The following KIF26A variants were observed in gnomAD, a reference collection of about 807,000 sequenced individuals.
KIF26A encodes the protein kinesin-like protein KIF26A.
In KIF26A, 74 loss-of-function variants were observed where a neutral mutation model predicts 126.0. The observed-to-expected ratio is 0.59, with a 90% CI of 0.49 to 0.71. The LOEUF is 0.71. KIF26A is among the 30% of genes least tolerant of loss of function. The probability of loss-of-function intolerance (pLI) is 0.00; values close to 1 mark genes in which losing one functional copy is unlikely to be tolerated. For synonymous variants in KIF26A, 1,445 were observed against 1,232.7 expected, an observed-to-expected ratio of 1.17 and a Z score of -3.61; for missense variants, 2,984 against 2,763.3, an observed-to-expected ratio of 1.08 and a Z score of -1.79.
At position 104,173,161 on chromosome 14, in the gene KIF26A, C is replaced by T. The variant is rs749614285; in HGVS notation, c.1605C>T (p.Ala535=). Residue 535 remains alanine (A), a synonymous_variant, in exon 8 of 15, where the codon GCC becomes GCT. Transcript: ENST00000423312. ...ACCAGAGCCTGCGGGACCTGCTGGC[C>T]GAGGTGGCCCCTGGCAGCCTCCAGG... The part of the protein sequence containing the change: ...GRDQSLRDLL[A]EVAPGSLQDT... 9.9e-6 allele frequency: 16 copies of T among 1,611,218 alleles called. No homozygotes were observed. In the Admixed American group the frequency reaches 1.5e-4, roughly 15 times the overall value.
At position 104,176,958 on chromosome 14, in the gene KIF26A, C is replaced by G. The variant is rs562461621; in HGVS notation, c.4170C>G (p.Val1390=). Reference sequence around the variant, plus strand: ...CGCATGCTGTGAACCCGGCGCGGGTCGGGGCTGCTGCTGTCCTTCGAGGGG... The same window carrying G: ...CGCATGCTGTGAACCCGGCGCGGGTGGGGGCTGCTGCTGTCCTTCGAGGGG... The part of the protein sequence containing the change: ...APPHAVNPAR[V]GAAAVLRGEE... The change falls in exon 12 of 15, where the codon GTC becomes GTG. Residue 1390 remains valine, a synonymous_variant. Transcript: ENST00000423312. 1 of 1,534,862 alleles carries G rather than the reference C, an allele frequency of 6.5e-7. No individual in the cohort carries two copies. Among genetic ancestry groups the G allele is most frequent in the Admixed American group, 2.0e-5 (1 of 50,948 alleles).
intron 3 of KIF26A, among the ~76,000 whole-genome samples, chr14:104,155,899 CTCTG>C (rs1470565766): frequency 6.6e-6 from 1 of 152,206 alleles, no homozygotes; most frequent in African/African-American, 2.4e-5. Context: ...GGTGTAGCAG[CTCTG>C]TCCCTGCTGC....
Position 104,176,622 on chromosome 14 carries a change from C to G in KIF26A, c.3834C>G (p.Ala1278=). The G allele has an allele frequency of 6.2e-7, 1 of 1,608,592 alleles. No homozygotes were observed. The highest frequency in any genetic ancestry group is 1.7e-4 in the Middle Eastern group (1 of 6,054). Residue 1278 remains alanine, a synonymous_variant, in exon 12 of 15, where the codon GCC becomes GCG. Transcript: ENST00000423312. ...PRLPEAQVML[A]CAQRVVDGCE... ...TGCCTGAGGCCCAGGTGATGCTAGC[C>G]TGTGCCCAGAGAGTGGTGGACGGGT...
In KIF26A at chr14:104,175,023, A is replaced by G. The variant is rs1181928845; in HGVS notation, c.2235A>G (p.Glu745=). ...CTGGCGGGGAGAGCTCCTGTGAGGAAGGCCGGGCCCGTCGGCCCCCGCACC... is the reference window on the plus strand; with the variant it reads ...CTGGCGGGGAGAGCTCCTGTGAGGAGGGCCGGGCCCGTCGGCCCCCGCACC... The part of the protein sequence containing the change: ...SSSGGESSCE[E]GRARRPPHLR... Residue 745 remains glutamate (E), a synonymous_variant, in exon 12 of 15, where the codon GAA becomes GAG. Transcript: ENST00000423312. The G allele has an allele frequency of 6.4e-7, 1 of 1,558,638 alleles. No individual in the cohort carries two copies. The highest frequency in any genetic ancestry group is 8.7e-7 in the Non-Finnish European group (1 of 1,155,620).
chr14:104,163,687 G>A (rs550918581), intron 4 of KIF26A, among the ~76,000 whole-genome samples: 42 of 151,860 alleles, frequency 2.8e-4, no homozygotes, highest in African/African-American at 7.5e-4. Context: ...CAGTGACCCC[G>A]GAACCCCGAG....
At position 104,167,013 on chromosome 14, in the gene KIF26A, T is replaced by G. The variant is rs752448758; in HGVS notation, c.1078T>G (p.Ser360Ala). 3 of 1,579,870 alleles carry G rather than the reference T, an allele frequency of 1.9e-6. No individual in the cohort carries two copies. Among genetic ancestry groups the G allele is most frequent in the Non-Finnish European group, 2.6e-6 (3 of 1,164,124 alleles). ...PAPPCLLRAASKTKDNPGSIG... is the reference protein window; with the variant it reads ...PAPPCLLRAAAKTKDNPGSIG... ...GCCCCCCTGCCTGCTCAGGGCCGCC[T>G]CCAAGACCAAGGACAACCCTGGCAG... Residue 360 changes from serine to alanine, a missense_variant, in exon 5 of 15, where the codon TCC becomes GCC. Physicochemically the swap from Ser to Ala is moderately conservative, Grantham distance 99. Transcript: ENST00000423312.
rs1164122042 is a variant in KIF26A, at chr14:104,176,870, C to T, written c.4082C>T (p.Pro1361Leu). 1 of 1,543,228 alleles carries T rather than the reference C, an allele frequency of 6.5e-7. No homozygotes were observed. The highest frequency in any genetic ancestry group is 2.4e-5 in the East Asian group (1 of 40,856). ...CTCCCGAGGCCCAGTGGGGCGGCCC[C>T]CCCGGCCCCACCCACGCGGAAGTCC... is the stretch of plus-strand genomic sequence containing the variant. ...GFLPRPSGAA[P>L]PAPPTRKSSL... The change falls in exon 12 of 15, where the codon CCC becomes CTC. Residue 1361 changes from proline (P) to leucine (L), a missense_variant. Coordinates refer to ENST00000423312, the MANE Select transcript of KIF26A (RefSeq NM_015656.2).
In KIF26A at chr14:104,172,577, C is replaced by G. The variant is rs550657002; in HGVS notation, c.1329C>G (p.Ala443=). The part of the protein sequence containing the change: ...DAVFPQDSEQ[A]EVCSGTVADV... The stretch of plus-strand genomic sequence containing the variant: ...GCCTGATTCTCTTGCCCCCCTAGGC[C>G]GAAGTCTGCTCGGGGACCGTGGCCG... The change falls in exon 7 of 15, where the codon GCC becomes GCG. Residue 443 remains alanine, a splice_region_variant and synonymous_variant. Coordinates refer to ENST00000423312, the MANE Select transcript of KIF26A (RefSeq NM_015656.2). 7 of 1,611,942 alleles carry G rather than the reference C, an allele frequency of 4.3e-6. No homozygotes were observed. The highest frequency in any genetic ancestry group is 3.3e-5 in the South Asian group (3 of 90,956).
intron 3 of KIF26A, among the ~76,000 whole-genome samples, chr14:104,155,537 C>T (rs557786887): frequency 1.3e-5 from 2 of 152,100 alleles, no homozygotes; most frequent in East Asian, 1.9e-4. Context: ...GGCCGCCCGC[C>T]CCCCCTCTCT....
intron 6 of KIF26A, among the ~76,000 whole-genome samples, 170 bp downstream of exon 6, chr14:104,172,105 G>A (rs965108941): frequency 3.3e-5 from 5 of 152,240 alleles, no homozygotes; most frequent in African/African-American, 1.2e-4. Context: ...GTCCTGGCCA[G>A]CGTCCTTGGG....
chr14:104,178,557 GC>G lies in KIF26A; in HGVS notation c.5119del (p.Arg1707GlyfsTer4). On this transcript the variant is annotated frameshift_variant, in exon 13 of 15. Transcript: ENST00000423312. LOFTEE classifies it high-confidence loss of function. ...SPKKRATGLQ[R>X]RRLIPAPLPD... is the part of the protein sequence containing the mutation. ...CCCGGCTCTCCGTTCCAGGTCTGCA[GC>G]GGCGGCGCCTGATTCCCGCCCCACT... The G allele has an allele frequency of 6.8e-7, 1 of 1,466,750 alleles. No individual in the cohort carries two copies. The highest frequency in any genetic ancestry group is 9.0e-7 in the Non-Finnish European group (1 of 1,106,774). 90.9% of individuals were successfully genotyped at this position (1,466,750 alleles called of 1,614,324 possible). A position where few individuals can be genotyped will look rare whatever the true frequency, so the allele number is the denominator to read the frequency against.
chr14:104,150,969 C>T (rs1215635757), intron 2 of KIF26A, among the ~76,000 whole-genome samples: 1 of 152,168 alleles, frequency 6.6e-6, no homozygotes, highest in Non-Finnish European at 1.5e-5. Context: ...CTGGCCCCCT[C>T]CCCAGAGAGC....
chr14:104,157,614 G>A (rs1172947370), intron 3 of KIF26A, 141 bp from the exon 4 acceptor site: 3 of 937,694 alleles, frequency 3.2e-6, no homozygotes, highest in Non-Finnish European at 4.5e-6. Context: ...CGGCTTCACA[G>A]GCTGGGCCCT....
At position 104,177,657 on chromosome 14, in the gene KIF26A, G is replaced by A; in HGVS notation, c.4869G>A (p.Gln1623=). 1 of 1,528,210 alleles carries A rather than the reference G, an allele frequency of 6.5e-7. No individual in the cohort carries two copies. Among genetic ancestry groups the A allele is most frequent in the African/African-American group, 1.4e-5 (1 of 72,628 alleles). 94.7% of individuals were successfully genotyped at this position (1,528,210 alleles called of 1,614,324 possible). Residue 1623 remains glutamine, a synonymous_variant, in exon 12 of 15, where the codon CAG becomes CAA. Coordinates refer to ENST00000423312, the MANE Select transcript of KIF26A (RefSeq NM_015656.2). ...YSKVTAPRRP[Q]RYSSGHGSDN... ...AGGTGACCGCCCCACGGCGGCCCCA[G>A]CGCTACAGCAGCGGCCATGGCAGCG... is the stretch of plus-strand genomic sequence containing the variant.
Position 104,151,902 on chromosome 14 carries a change from G to A in KIF26A, c.289-113G>A. The A allele has an allele frequency of 4.8e-6, 4 of 831,738 alleles. No homozygotes were observed. Among genetic ancestry groups the A allele is most frequent in the South Asian group, 2.9e-5 (2 of 69,680 alleles). The allele number at this position is 831,738 out of a possible 1,614,324, so 51.5% of individuals were successfully genotyped here. ...CTTATTAATCTGTTACGGATGGTGC[G>A]GTGGCCAGGCGGGAGCTCGCAGCGT... On this transcript the variant is annotated intron_variant, in intron 2 of 14. Coordinates refer to ENST00000423312, the MANE Select transcript of KIF26A (RefSeq NM_015656.2). The surrounding 1 kb of genome is among the most constrained non-coding windows in gnomAD (Gnocchi z 4.9).
At position 104,174,309 on chromosome 14, in the gene KIF26A, A is replaced by G. The variant is rs767443072; in HGVS notation, c.2192A>G (p.Lys731Arg). Residue 731 changes from lysine to arginine, a missense_variant and splice_region_variant, in exon 11 of 15, where the codon AAG becomes AGG. Physicochemically the swap from Lys to Arg is conservative, Grantham distance 26. Transcript: ENST00000423312. ...CACCGCCTGCGCAGGAAGAAGGCCA[A>G]GGTGCTCCCCACCTCCTGCCCGCCC... ...RIHRLRRKKA[K>R]YASSSSGGES... The G allele has an allele frequency of 2.6e-6, 4 of 1,530,686 alleles. No homozygotes were observed. Among genetic ancestry groups the G allele is most frequent in the South Asian group, 1.2e-5 (1 of 81,946 alleles). 94.8% of individuals were successfully genotyped at this position (1,530,686 alleles called of 1,614,324 possible).
At chr14:104,164,258 G>C (rs371284452) in intron 4 of KIF26A, among the ~76,000 whole-genome samples, 1 of 152,102 alleles carries the variant, frequency 6.6e-6, no homozygotes, top group Non-Finnish European at 1.5e-5. Flanking sequence ...CTGTGGGGGG[G>C]GCGTGGGGCA....
chr14:104,174,379 C>T (rs1179829248), intron 11 of KIF26A, 69 bp downstream of exon 11: 1 of 1,406,184 alleles, frequency 7.1e-7, no homozygotes, highest in Admixed American at 2.7e-5. Context: ...CAGGCCTCTG[C>T]TGGCCTGGTT....
intron 2 of KIF26A, among the ~76,000 whole-genome samples, chr14:104,150,169 CTT>C (rs1216396708): frequency 2.5e-5 from 3 of 118,884 alleles, no homozygotes; most frequent in Non-Finnish European, 1.8e-5. Flanking sequence ...CCCCCTTCCC[CTT>C]CTCCTCCTTC....
Sources: allele counts gnomAD v4.1 joint callset (sites outside exome capture counted in the v4.1 genomes callset), GRCh38; gene constraint gnomAD v4.1.1; non-coding constraint Gnocchi (gnomAD v3.1); transcripts MANE v1.5; gene names NCBI Gene and HGNC (gene_info 2026-07-23, HGNC 2026-07-21).